The following GRIK2 variants were observed in gnomAD, a reference collection of about 807,000 sequenced individuals.
The protein encoded by GRIK2 is glutamate receptor ionotropic, kainate 2.
In GRIK2, 32 loss-of-function variants were observed where a neutral mutation model predicts 100.3. That is an observed-to-expected ratio of 0.32 (90% CI 0.24 to 0.43). GRIK2 has a LOEUF of 0.43. Ranked by LOEUF, GRIK2 falls within the 20% of genes least tolerant of loss-of-function variation. GRIK2 has a pLI of 1.00. For synonymous variants in GRIK2, 417 were observed against 389.4 expected (o/e 1.07, Z -0.83); for missense variants, 843 against 1,114.9 (o/e 0.76, Z 3.47).
chr6:102,067,584 A>C (rs188046164), intron 16 of GRIK2, among the ~76,000 whole-genome samples: 1 of 151,968 alleles, frequency 6.6e-6, no homozygotes, highest in Non-Finnish European at 1.5e-5. Context: ...CCAGATAAAC[A>C]GAGGTTCTAG....
chr6:101,659,378 T>G (rs1769435150), intron 4 of GRIK2, among the ~76,000 whole-genome samples: 1 of 152,184 alleles, frequency 6.6e-6, no homozygotes, highest in South Asian at 2.1e-4. Flanking sequence ...GTATATCTGT[T>G]TTGGTACCAG....
rs564884193 is a variant in GRIK2 at position 101,938,610 on chromosome 6, G to T, written c.2085+9978G>T. On this transcript the variant is annotated intron_variant, in intron 14 of 16. Coordinates refer to ENST00000369134, the MANE Select transcript of GRIK2 (RefSeq NM_021956.5). ...GCCTAGAATTGTTTAATTGCCTAAT[G>T]CACAAAGGTGAGCACTTTGATTGAT... Among the ~76,000 whole-genome samples, 2 of 152,004 alleles carry T rather than the reference G, an allele frequency of 1.3e-5. 1 individual carries two copies. Among genetic ancestry groups the T allele is most frequent in the Admixed American group, 1.3e-4 (2 of 15,232 alleles).
chr6:101,973,169 G>A (rs998680059), intron 14 of GRIK2, among the ~76,000 whole-genome samples: 16 of 151,622 alleles, frequency 1.1e-4, no homozygotes, highest in South Asian at 2.1e-4. Flanking sequence ...AAACTTCAGC[G>A]GCTGAAAAAT....
chr6:101,941,833 A>T (rs111501341), intron 14 of GRIK2, among the ~76,000 whole-genome samples: 48 of 152,282 alleles, frequency 3.2e-4, no homozygotes, highest in Admixed American at 9.2e-4. Flanking sequence ...CCTAATTTTT[A>T]AAAATGGCAA....
At chr6:101,998,706 C>T (rs1794773369) in intron 14 of GRIK2, among the ~76,000 whole-genome samples, 1 of 151,762 alleles carries the variant, frequency 6.6e-6, no homozygotes, top group Non-Finnish European at 1.5e-5. Flanking sequence ...TATAATGTTA[C>T]ATGACAGTAT....
chr6:101,636,591 AAAC>A, intron 4 of GRIK2, among the ~76,000 whole-genome samples: 1 of 152,304 alleles, frequency 6.6e-6, no homozygotes, highest in Non-Finnish European at 1.5e-5. Context: ...TCAAGTTTTA[AAAC>A]CTTTAAAATA....
chr6:101,636,446 C>T (rs1359652436), intron 4 of GRIK2, among the ~76,000 whole-genome samples: 3 of 151,864 alleles, frequency 2.0e-5, no homozygotes, highest in African/African-American at 7.3e-5. Flanking sequence ...ACATGTATAC[C>T]TACGTAACAT....
intron 14 of GRIK2, among the ~76,000 whole-genome samples, chr6:101,950,427 C>T (rs1315333771): frequency 6.6e-6 from 1 of 152,132 alleles, no homozygotes; most frequent in Non-Finnish European, 1.5e-5. Context: ...CTTTGTAGTC[C>T]AGTTATCAAT....
intron 7 of GRIK2, among the ~76,000 whole-genome samples, chr6:101,792,584 G>T (rs1228272258): frequency 6.6e-6 from 1 of 152,108 alleles, no homozygotes; most frequent in Non-Finnish European, 1.5e-5. Context: ...TCCGCTGTTA[G>T]TCTGATGGGC....
At chr6:102,045,776 A>G (rs1770856041) in intron 15 of GRIK2, among the ~76,000 whole-genome samples, 1 of 152,098 alleles carries the variant, frequency 6.6e-6, no homozygotes, top group Non-Finnish European at 1.5e-5. Context: ...TCCATATCAT[A>G]TGTCATAAAA....
At chr6:101,722,451 C>G (rs79628550) in intron 7 of GRIK2, among the ~76,000 whole-genome samples, 131 of 152,034 alleles carry the variant, frequency 8.6e-4, no homozygotes, top group Non-Finnish European at 1.5e-3. Flanking sequence ...TGTGTTTATA[C>G]TTACGTCTTT....
intron 14 of GRIK2, among the ~76,000 whole-genome samples, chr6:101,946,308 A>G (rs1347969225): frequency 1.3e-5 from 2 of 152,046 alleles, no homozygotes; most frequent in East Asian, 3.9e-4. Context: ...AATTGGGGCA[A>G]TGCTATAAAC....
intron 4 of GRIK2, among the ~76,000 whole-genome samples, chr6:101,661,110 G>A (rs1282991729): frequency 6.6e-6 from 1 of 152,144 alleles, no homozygotes; most frequent in East Asian, 1.9e-4. Flanking sequence ...TGTCTAGGAA[G>A]ACAGATGTTT....
intron 2 of GRIK2, among the ~76,000 whole-genome samples, chr6:101,429,008 A>T (rs920254118): frequency 2.6e-5 from 4 of 152,256 alleles, no homozygotes; most frequent in African/African-American, 7.2e-5. Flanking sequence ...TTAATTAACT[A>T]CAACTTTAAA....
At chr6:101,475,706 T>G (rs1412880780) in intron 2 of GRIK2, among the ~76,000 whole-genome samples, 6 of 151,980 alleles carry the variant, frequency 3.9e-5, no homozygotes. Context: ...TATGTTTATA[T>G]ATAGTACTAT....
At chr6:101,941,641 G>A (rs1790960787) in intron 14 of GRIK2, among the ~76,000 whole-genome samples, 1 of 152,024 alleles carries the variant, frequency 6.6e-6, no homozygotes, top group Admixed American at 6.6e-5. Context: ...TTTAAACAAA[G>A]AGACCATTTT....
chr6:102,056,244 G>T lies in GRIK2; in HGVS notation c.2562+664G>T, dbSNP rs1267344130. On this transcript the variant is annotated intron_variant, in intron 16 of 16. Transcript: ENST00000369134. ...AATATTGAGGCTATTGCTATATTTT[G>T]CATTTGAATGCAGTCATTTGTATAA... Among the ~76,000 whole-genome samples, 7 of 151,950 alleles carry T rather than the reference G, an allele frequency of 4.6e-5. No individual in the cohort carries two copies. The East Asian group carries it at 1.4e-3, about 29-fold the overall frequency.
chr6:101,424,163 A>T (rs1562127120), intron 2 of GRIK2, among the ~76,000 whole-genome samples: 2 of 151,322 alleles, frequency 1.3e-5, no homozygotes, highest in African/African-American at 2.4e-5. Flanking sequence ...TTTCTTCAGA[A>T]TTTTTTTTAT....
chr6:102,063,982 GC>G, intron 16 of GRIK2: 1 of 1,547,444 alleles, frequency 6.5e-7, no homozygotes, highest in Non-Finnish European at 8.9e-7. Context: ...TTTGGTTAGT[GC>G]CACCATACCA....
Sources: gnomAD v4.1 joint callset for allele counts (sites outside exome capture counted in the v4.1 genomes callset) on GRCh38, gnomAD v4.1.1 for gene constraint, MANE v1.5 for transcripts, NCBI Gene and HGNC (gene_info 2026-07-23, HGNC 2026-07-21) for gene names.